Variants in NALCN observed in about 807,000 individuals in gnomAD.
NALCN encodes the protein sodium leak channel, non-selective.
NALCN carries 111 observed loss-of-function variants against 225.3 expected under a neutral mutation model. That is an observed-to-expected ratio of 0.49 (90% CI 0.42 to 0.58). The LOEUF (loss-of-function observed/expected upper bound fraction) is 0.58, where lower values mean the gene tolerates loss of function less well. Ranked by LOEUF, NALCN falls within the 20% of genes least tolerant of loss-of-function variation. The pLI is 0.00. For missense variants in NALCN, 1,378 were observed against 2,202.4 expected, an observed-to-expected ratio of 0.63 and a Z score of 7.49; for synonymous variants, 764 against 769.0, an observed-to-expected ratio of 0.99 and a Z score of 0.11.
intron 17 of NALCN, among the ~76,000 whole-genome samples, chr13:101,140,777 A>T (rs1016381176): frequency 2.0e-4 from 30 of 152,018 alleles, no homozygotes; most frequent in African/African-American, 7.2e-4. Context: ...AAAATCAAAA[A>T]AGCCAGGCAT....
intron 15 of NALCN, among the ~76,000 whole-genome samples, chr13:101,149,162 A>G (rs57323144): frequency 0.016 from 2,430 of 152,154 alleles, 31 homozygotes; most frequent in Middle Eastern, 0.071. Flanking sequence ...GCGTGGTGGC[A>G]GGCGCCTGTA....
chr13:101,275,487 C>G (rs1178413682), intron 10 of NALCN, among the ~76,000 whole-genome samples: 1 of 152,164 alleles, frequency 6.6e-6, no homozygotes, highest in African/African-American at 2.4e-5. Flanking sequence ...AGGAAAACTG[C>G]ATTCTCATCC....
At chr13:101,360,745 C>T (rs976124074) in intron 6 of NALCN, among the ~76,000 whole-genome samples, 11 of 152,124 alleles carry the variant, frequency 7.2e-5, no homozygotes, top group African/African-American at 2.4e-4. Flanking sequence ...AGATGGTTGT[C>T]CGTCCCAGAA....
At chr13:101,205,853 A>C (rs2040292830) in intron 13 of NALCN, among the ~76,000 whole-genome samples, 1 of 152,108 alleles carries the variant, frequency 6.6e-6, no homozygotes, top group Admixed American at 6.6e-5. Context: ...GCTTCGAAAA[A>C]CACAGATGTA....
At chr13:101,392,290 A>G (rs2047169840) in intron 3 of NALCN, among the ~76,000 whole-genome samples, 1 of 152,132 alleles carries the variant, frequency 6.6e-6, no homozygotes, top group African/African-American at 2.4e-5. Flanking sequence ...ATATATAACA[A>G]AACAACACAT....
intron 17 of NALCN, among the ~76,000 whole-genome samples, chr13:101,125,500 A>G (rs996764810): frequency 4.6e-5 from 7 of 152,234 alleles, no homozygotes; most frequent in African/African-American, 1.7e-4. Context: ...AGCACTTAGC[A>G]TGATATTAGT....
Position 101,059,831 on chromosome 13 carries a change from C to T in NALCN, c.4892G>A (p.Ser1631Asn), listed in dbSNP as rs920545999. Reference sequence around the variant, plus strand: ...TCGTGCCCATACCTCAGGTTGCATGCTGTTGTCCTGACTGTTGGCATTCGT... The same window carrying T: ...TCGTGCCCATACCTCAGGTTGCATGTTGTTGTCCTGACTGTTGGCATTCGT... ...EDTNANSQDN[S>N]MQPETSSQQQ... is the part of the protein sequence containing the mutation. Residue 1631 changes from serine (S) to asparagine (N), a missense_variant, in exon 42 of 44, where the codon AGC becomes AAC. Coordinates refer to ENST00000251127, the MANE Select transcript of NALCN (RefSeq NM_052867.4). 2 of 1,613,928 alleles carry T rather than the reference C, an allele frequency of 1.2e-6. No homozygotes were observed. Among genetic ancestry groups the T allele is most frequent in the African/African-American group, 2.7e-5 (2 of 74,880 alleles).
At chr13:101,195,527 C>CATG (rs2039854064) in intron 13 of NALCN, among the ~76,000 whole-genome samples, 1 of 152,170 alleles carries the variant, frequency 6.6e-6, no homozygotes, top group Non-Finnish European at 1.5e-5. Context: ...TTATTTTAAA[C>CATG]ATGTTGAACC....
intron 7 of NALCN, among the ~76,000 whole-genome samples, chr13:101,323,060 C>T (rs2044809615): frequency 6.6e-6 from 1 of 152,050 alleles, no homozygotes; most frequent in African/African-American, 2.4e-5. Flanking sequence ...TTGAATAAAC[C>T]TTTAAAAATT....
intron 7 of NALCN, among the ~76,000 whole-genome samples, chr13:101,338,551 T>C (rs2045457698): frequency 6.6e-6 from 1 of 152,212 alleles, no homozygotes; most frequent in South Asian, 2.1e-4. Context: ...AGTTTTGTTC[T>C]CATCTCTTGT....
chr13:101,240,237 C>T (rs1273601898), intron 11 of NALCN, among the ~76,000 whole-genome samples: 1 of 151,898 alleles, frequency 6.6e-6, no homozygotes, highest in Admixed American at 6.6e-5. Context: ...TAATACTAGT[C>T]TTCATATCCA....
chr13:101,405,436 G>A lies in NALCN; in HGVS notation c.-39-6271C>T, dbSNP rs141742313. Among the ~76,000 whole-genome samples, 958 of 152,130 alleles carry A rather than the reference G, an allele frequency of 6.3e-3. 6 individuals are homozygous for A. The highest frequency in any genetic ancestry group is 8.2e-3 in the Non-Finnish European group (555 of 68,000). On this transcript the variant is annotated intron_variant, in intron 1 of 43. Transcript: ENST00000251127. ...TGTCACCATCCCTGCCCACTCTGCC[G>A]TCCTCCAATTCCCAGGGCCCATTTG...
intron 14 of NALCN, among the ~76,000 whole-genome samples, chr13:101,186,423 C>T (rs1238590524): frequency 6.6e-6 from 1 of 152,104 alleles, no homozygotes; most frequent in African/African-American, 2.4e-5. Flanking sequence ...AAAACTGTAT[C>T]AAATCAAATT....
chr13:101,355,862 G>A (rs569368808), intron 6 of NALCN, among the ~76,000 whole-genome samples: 134 of 152,276 alleles, frequency 8.8e-4, no homozygotes, highest in African/African-American at 3.1e-3. Flanking sequence ...TCAGACCACA[G>A]TGCAATCAAA....
chr13:101,073,873 C>G (rs2033074460), intron 36 of NALCN, among the ~76,000 whole-genome samples, 196 bp from the exon 37 acceptor site: 1 of 152,152 alleles, frequency 6.6e-6, no homozygotes, highest in Admixed American at 6.5e-5. Context: ...ACACCCAACT[C>G]TAGCATGGCC....
intron 10 of NALCN, among the ~76,000 whole-genome samples, chr13:101,266,364 C>CT (rs1161437858): frequency 3.3e-5 from 5 of 152,230 alleles, no homozygotes; most frequent in Non-Finnish European, 5.9e-5. Context: ...GCTATCTTAT[C>CT]TTTTTTTGTG....
chr13:101,395,586 A>C (rs568338308), intron 2 of NALCN, among the ~76,000 whole-genome samples: 14 of 152,340 alleles, frequency 9.2e-5, no homozygotes, highest in African/African-American at 3.4e-4. Flanking sequence ...CCACATAAAC[A>C]CACTAAGACA....
At chr13:101,367,966 CT>C (rs554696233) in intron 6 of NALCN, among the ~76,000 whole-genome samples, 35 of 148,942 alleles carry the variant, frequency 2.3e-4, no homozygotes, top group East Asian at 2.0e-3. Context: ...ACAGGGAATT[CT>C]TTTTTTGACT....
Position 101,176,302 on chromosome 13 carries a change from G to T in NALCN, c.1837C>A (p.Gln613Lys). The T allele has an allele frequency of 6.3e-7, 1 of 1,579,386 alleles. No homozygotes were observed. Among genetic ancestry groups the T allele is most frequent in the South Asian group, 1.2e-5 (1 of 84,300 alleles). ...ELDEDLKKLK[Q>K]LKQSEANADT... Reference sequence around the variant, plus strand: ...AAAATCCCCCACACACTACTTACTTGTTTAAGCTTCTTTAGGTCTTCATCA... The same window carrying T: ...AAAATCCCCCACACACTACTTACTTTTTTAAGCTTCTTTAGGTCTTCATCA... The change falls in exon 15 of 44, where the codon CAA becomes AAA. Residue 613 changes from glutamine (Q) to lysine (K), a missense_variant and splice_region_variant. Physicochemically the swap from Gln to Lys is moderately conservative, Grantham distance 53. This residue lies in a region of NALCN where 62 missense variants were observed against 143.6 expected (regional missense o/e 0.43). Transcript: ENST00000251127.
Sources: gnomAD v4.1 joint callset for allele counts (sites outside exome capture counted in the v4.1 genomes callset) on GRCh38, gnomAD v4.1.1 for gene constraint, gnomAD v4.1.1 regional missense constraint, MANE v1.5 for transcripts, NCBI Gene and HGNC (gene_info 2026-07-23, HGNC 2026-07-21) for gene names.